Variants in LMBR1 observed in about 807,000 individuals in gnomAD.
The protein encoded by LMBR1 is limb development membrane protein 1, also known as limb region 1 protein homolog.
Under a neutral mutation model 73.9 loss-of-function variants are expected in LMBR1, and 52 were observed. The observed-to-expected ratio is 0.70, with a 90% CI of 0.56 to 0.89. The LOEUF (loss-of-function observed/expected upper bound fraction) is 0.89. Among genes scored for constraint, LMBR1 ranks in the 40% least tolerant of loss-of-function variants. LMBR1 has a pLI of 0.00. For missense variants in LMBR1, 539 were observed against 579.8 expected (o/e 0.93, Z 0.72); for synonymous variants, 215 against 209.4 (o/e 1.03, Z -0.23).
chr7:156,774,139 A>C (rs1825714529), intron 5 of LMBR1, among the ~76,000 whole-genome samples: 2 of 152,210 alleles, frequency 1.3e-5, no homozygotes, highest in South Asian at 4.1e-4. Flanking sequence ...TCATTACAGA[A>C]ATGCAAATAA....
intron 1 of LMBR1, among the ~76,000 whole-genome samples, chr7:156,871,601 A>C (rs1161492352): frequency 1.3e-5 from 2 of 152,230 alleles, no homozygotes; most frequent in Non-Finnish European, 2.9e-5. Context: ...AACCATGACT[A>C]AGTGGGATTT....
chr7:156,761,011 G>C (rs1181448209), intron 8 of LMBR1, among the ~76,000 whole-genome samples: 2 of 152,232 alleles, frequency 1.3e-5, no homozygotes, highest in African/African-American at 4.8e-5. Flanking sequence ...GCTGATATTT[G>C]AGCTAGGCCG....
At chr7:156,818,850 C>A (rs1834328713) in intron 4 of LMBR1, among the ~76,000 whole-genome samples, 1 of 152,146 alleles carries the variant, frequency 6.6e-6, no homozygotes, top group Admixed American at 6.5e-5. Context: ...CATTTTTTAA[C>A]CCTTTTTCCT....
intron 10 of LMBR1, among the ~76,000 whole-genome samples, chr7:156,729,137 C>A (rs1344230649): frequency 6.6e-6 from 1 of 152,126 alleles, no homozygotes; most frequent in Non-Finnish European, 1.5e-5. Flanking sequence ...AACTACGATA[C>A]CCAGACAAAA....
chr7:156,787,563 A>G (rs1280545161), intron 5 of LMBR1, among the ~76,000 whole-genome samples: 4 of 152,258 alleles, frequency 2.6e-5, no homozygotes, highest in Non-Finnish European at 1.5e-5. Flanking sequence ...TTCTCTTTGC[A>G]TGACAATTTA....
At chr7:156,761,643 T>G (rs1278363362) in intron 8 of LMBR1, among the ~76,000 whole-genome samples, 1 of 152,018 alleles carries the variant, frequency 6.6e-6, no homozygotes, top group African/African-American at 2.4e-5. Context: ...CCAAATTTGG[T>G]TTCCAAAGAC....
At chr7:156,876,815 A>C (rs965180942) in intron 1 of LMBR1, among the ~76,000 whole-genome samples, 3 of 152,198 alleles carry the variant, frequency 2.0e-5, no homozygotes, top group Non-Finnish European at 4.4e-5. Flanking sequence ...GGGAGACAGC[A>C]AAGGCGGTGC....
At chr7:156,831,861 C>T (rs1350511502) in intron 3 of LMBR1, among the ~76,000 whole-genome samples, 1 of 152,228 alleles carries the variant, frequency 6.6e-6, no homozygotes, top group Non-Finnish European at 1.5e-5. Flanking sequence ...AGGTGGCACA[C>T]AGACTGAATG....
intron 5 of LMBR1, among the ~76,000 whole-genome samples, chr7:156,772,758 G>A (rs1825431153): frequency 6.6e-6 from 1 of 151,604 alleles, no homozygotes; most frequent in Non-Finnish European, 1.5e-5. Flanking sequence ...TGAGGCAGGA[G>A]AATAGCTTGA....
At chr7:156,712,890 A>G (rs1363709633) in intron 15 of LMBR1, among the ~76,000 whole-genome samples, 1 of 152,210 alleles carries the variant, frequency 6.6e-6, no homozygotes, top group Non-Finnish European at 1.5e-5. Flanking sequence ...GGACGATGAG[A>G]AATTATTTAA....
At chr7:156,766,736 A>G (rs896671324) in intron 5 of LMBR1, among the ~76,000 whole-genome samples, 2 of 152,118 alleles carry the variant, frequency 1.3e-5, no homozygotes, top group Admixed American at 6.5e-5. Flanking sequence ...AAGCAGTCCT[A>G]GCTGCTGGTG....
intron 15 of LMBR1, 28 bp downstream of exon 15, chr7:156,724,084 T>C: frequency 1.3e-6 from 2 of 1,570,114 alleles, no homozygotes; most frequent in Non-Finnish European, 1.7e-6. Flanking sequence ...CATGGATCTT[T>C]AAGTGAAAAT....
intron 8 of LMBR1, among the ~76,000 whole-genome samples, chr7:156,759,076 A>G (rs546110076): frequency 2.4e-4 from 36 of 152,250 alleles, no homozygotes; most frequent in Non-Finnish European, 4.7e-4. Context: ...GTAGCAGAAG[A>G]GAGCAGATGA....
intron 1 of LMBR1, among the ~76,000 whole-genome samples, chr7:156,863,699 T>A (rs1798044425): frequency 6.6e-6 from 1 of 152,220 alleles, no homozygotes; most frequent in Admixed American, 6.5e-5. Context: ...TTTTCTTTTT[T>A]AAACTATTTT....
intron 4 of LMBR1, chr7:156,823,669 C>T (rs867725406): frequency 1.2e-4 from 18 of 152,140 alleles, no homozygotes; most frequent in African/African-American, 4.1e-4. Flanking sequence ...AAACCACTAG[C>T]TTAATATATT....
chr7:156,711,577 G>C (rs1344907822), intron 15 of LMBR1, among the ~76,000 whole-genome samples: 3 of 152,068 alleles, frequency 2.0e-5, no homozygotes, highest in African/African-American at 7.2e-5. Flanking sequence ...AAAACTGGAG[G>C]CATCAACTTA....
chr7:156,803,840 GT>G (rs1471262920), intron 4 of LMBR1, among the ~76,000 whole-genome samples: 1 of 151,910 alleles, frequency 6.6e-6, no homozygotes, highest in Non-Finnish European at 1.5e-5. Context: ...CATGTCCTTT[GT>G]AGGGACATGG....
chr7:156,774,125 C>T (rs1301638178), intron 5 of LMBR1, among the ~76,000 whole-genome samples: 2 of 152,096 alleles, frequency 1.3e-5, no homozygotes, highest in African/African-American at 4.8e-5. Flanking sequence ...TGCAACAACA[C>T]TAATCATTAC....
chr7:156,762,908 A>C (rs897414757), intron 7 of LMBR1, among the ~76,000 whole-genome samples, 200 bp downstream of exon 7: 8 of 151,890 alleles, frequency 5.3e-5, no homozygotes, highest in Non-Finnish European at 1.0e-4. Context: ...CCAGTAGAAG[A>C]AGCTTTCCTT....
Sources: gnomAD v4.1 joint callset for allele counts (sites outside exome capture counted in the v4.1 genomes callset) on GRCh38, gnomAD v4.1.1 for gene constraint, MANE v1.5 for transcripts, NCBI Gene and HGNC (gene_info 2026-07-23, HGNC 2026-07-21) for gene names.